GRID1: variants seen among roughly 807,000 people sequenced by gnomAD.
GRID1 encodes glutamate receptor ionotropic, delta-1.
A neutral mutation model predicts 98.0 loss-of-function variants in GRID1; 28 were observed. That is an observed-to-expected ratio of 0.29 (90% CI 0.21 to 0.39). The LOEUF is 0.39. Ranked by LOEUF, GRID1 falls within the 10% of genes least tolerant of loss-of-function variation. The pLI, the probability that GRID1 is intolerant of heterozygous loss-of-function variation, is 1.00. For synonymous variants in GRID1, 553 were observed against 538.5 expected (o/e 1.03, Z -0.37); for missense variants, 1,111 against 1,340.5 (o/e 0.83, Z 2.67).
chr10:85,610,281 C>T (rs915097937), intron 15 of GRID1, among the ~76,000 whole-genome samples: 8 of 152,152 alleles, frequency 5.3e-5, no homozygotes, highest in Admixed American at 6.5e-5. Flanking sequence ...CGTTTTGAGC[C>T]GTTTCCTGCC....
rs1462912064 is a variant in GRID1 at position 85,600,155 on chromosome 10, C to T, written c.*2118G>A. On this transcript the variant is annotated 3_prime_UTR_variant, in exon 16 of 16. Coordinates refer to ENST00000327946, the MANE Select transcript of GRID1 (RefSeq NM_017551.3). ...GAGAGATATATATGTGAAAAATTGA[C>T]CATTCAGGGCAGGGCCCCCAACGTG... is the stretch of plus-strand genomic sequence containing the variant. 1.3e-5 allele frequency: 2 copies of T among 152,356 alleles called. No homozygotes were observed. The highest frequency in any genetic ancestry group is 2.9e-5 in the Non-Finnish European group (2 of 68,002). 9.4% of individuals were successfully genotyped at this position (152,356 alleles called of 1,614,324 possible).
chr10:86,173,779 T>C (rs1009678442), intron 3 of GRID1, among the ~76,000 whole-genome samples: 4 of 137,076 alleles, frequency 2.9e-5, no homozygotes, highest in East Asian at 2.3e-4. Flanking sequence ...CCTGTGTCCA[T>C]GTGTTCTCAT....
Position 85,657,103 on chromosome 10 carries a change from C to A in GRID1, c.1998-9706G>T, listed in dbSNP as rs572957522. 2.0e-5 allele frequency among the ~76,000 whole-genome samples: 3 copies of A among 152,304 alleles called. No individual in the cohort carries two copies. The East Asian group carries it at 5.8e-4, about 29-fold the overall frequency. On this transcript the variant is annotated intron_variant, in intron 12 of 15. Transcript: ENST00000327946. ...TTTCTTAACCTTATCCTGGTTTACT[C>A]TTCCCTCAGATTTGTAATTGGCTCA... is the stretch of plus-strand genomic sequence containing the variant.
At chr10:86,320,027 T>C (rs1428544899) in intron 2 of GRID1, among the ~76,000 whole-genome samples, 1 of 152,220 alleles carries the variant, frequency 6.6e-6, no homozygotes, top group Non-Finnish European at 1.5e-5. Flanking sequence ...CCTCCCCTCG[T>C]GCCTGGGCCC....
At chr10:86,116,659 G>C (rs1844585935) in intron 4 of GRID1, among the ~76,000 whole-genome samples, 1 of 152,146 alleles carries the variant, frequency 6.6e-6, no homozygotes, top group African/African-American at 2.4e-5. Context: ...TGCAAAAAAT[G>C]ATTGTGGGGT....
chr10:85,888,565 T>A (rs551391621), intron 5 of GRID1, among the ~76,000 whole-genome samples: 1 of 151,970 alleles, frequency 6.6e-6, no homozygotes, highest in East Asian at 1.9e-4. Flanking sequence ...GGTGGACATC[T>A]CCCTGCCAAT....
intron 3 of GRID1, among the ~76,000 whole-genome samples, chr10:86,171,991 C>T (rs1193369901): frequency 1.3e-5 from 2 of 150,698 alleles, no homozygotes; most frequent in African/African-American, 2.4e-5. Context: ...TTTCAAGCAG[C>T]TTTATTGAGA....
chr10:85,816,942 C>A (rs1475117448), intron 8 of GRID1, among the ~76,000 whole-genome samples: 2 of 152,186 alleles, frequency 1.3e-5, no homozygotes, highest in Non-Finnish European at 2.9e-5. Flanking sequence ...CCACTTATAA[C>A]TGAGAACATG....
intron 5 of GRID1, among the ~76,000 whole-genome samples, chr10:85,886,061 C>T (rs1335001652): frequency 6.6e-6 from 1 of 150,392 alleles, no homozygotes; most frequent in Non-Finnish European, 1.5e-5. Context: ...GTCCCAGACC[C>T]AGAGCTGTGT....
chr10:86,125,571 A>G (rs1844740361), intron 4 of GRID1, among the ~76,000 whole-genome samples: 1 of 152,244 alleles, frequency 6.6e-6, no homozygotes, highest in African/African-American at 2.4e-5. Flanking sequence ...TCTGGCAACT[A>G]CAGTTGACTC....
chr10:86,089,910 C>T (rs554941594), intron 4 of GRID1, among the ~76,000 whole-genome samples: 69 of 152,176 alleles, frequency 4.5e-4, no homozygotes, highest in African/African-American at 1.4e-3. Context: ...CCACACCTGG[C>T]TAATTTTTGT....
At chr10:86,317,693 G>A (rs1360962759) in intron 2 of GRID1, among the ~76,000 whole-genome samples, 1 of 152,080 alleles carries the variant, frequency 6.6e-6, no homozygotes, top group Non-Finnish European at 1.5e-5. Flanking sequence ...GACTTAAAGA[G>A]CAGGAGGTCA....
intron 4 of GRID1, among the ~76,000 whole-genome samples, chr10:85,953,350 A>T (rs61855981): frequency 0.14 from 20,957 of 152,070 alleles, 1,659 homozygotes; most frequent in Non-Finnish European, 0.18. Flanking sequence ...AACAACACAC[A>T]CTGGGGCCTA....
At chr10:86,095,066 G>C (rs1045818805) in intron 4 of GRID1, among the ~76,000 whole-genome samples, 1 of 152,070 alleles carries the variant, frequency 6.6e-6, no homozygotes, top group African/African-American at 2.4e-5. Flanking sequence ...ACTGATCTTT[G>C]ACAAAGCAAA....
chr10:86,186,912 G>A (rs1845732580), intron 3 of GRID1, among the ~76,000 whole-genome samples: 1 of 152,218 alleles, frequency 6.6e-6, no homozygotes, highest in South Asian at 2.1e-4. Flanking sequence ...AACTGAGGTA[G>A]AGAGACTAAC....
chr10:85,619,904 G>T lies in GRID1; in HGVS notation c.2323C>A (p.Gln775Lys). ...AGGTCCCTGTAGGGGCTGCCATGCTGCAGGGCAATCCCGTAACCCTTGCTG... is the reference window on the plus strand; with the variant it reads ...AGGTCCCTGTAGGGGCTGCCATGCTTCAGGGCAATCCCGTAACCCTTGCTG... Reference protein sequence around the residue: ...ISSKGYGIALQHGSPYRDLFS... With the variant: ...ISSKGYGIALKHGSPYRDLFS... Residue 775 changes from glutamine (Q) to lysine (K), a missense_variant, in exon 14 of 16, where the codon CAG (glutamine) becomes AAG (lysine). By Grantham distance (53) the Gln-to-Lys change is moderately conservative. Transcript: ENST00000327946. 1 of 1,614,164 alleles carries T rather than the reference G, an allele frequency of 6.2e-7. No homozygotes were observed. The highest frequency in any genetic ancestry group is 8.5e-7 in the Non-Finnish European group (1 of 1,179,988).
chr10:85,832,309 G>A (rs1423980685), intron 8 of GRID1, among the ~76,000 whole-genome samples: 5 of 151,998 alleles, frequency 3.3e-5, no homozygotes, highest in African/African-American at 1.2e-4. Context: ...CTCATTATAA[G>A]AGCCCCAGCA....
intron 12 of GRID1, among the ~76,000 whole-genome samples, chr10:85,674,793 T>C (rs1021992723): frequency 2.6e-5 from 4 of 152,052 alleles, no homozygotes; most frequent in Non-Finnish European, 5.9e-5. Context: ...ATGCCCAGTG[T>C]ATGCTAATGA....
At chr10:85,675,724 C>A (rs1841137323) in intron 12 of GRID1, among the ~76,000 whole-genome samples, 1 of 152,188 alleles carries the variant, frequency 6.6e-6, no homozygotes, top group Admixed American at 6.5e-5. Flanking sequence ...TCCAGCAGGA[C>A]CCCTGGTATA....
Sources: allele counts gnomAD v4.1 joint callset (sites outside exome capture counted in the v4.1 genomes callset), GRCh38; gene constraint gnomAD v4.1.1; transcripts MANE v1.5; gene names NCBI Gene and HGNC (gene_info 2026-07-23, HGNC 2026-07-21).